Variants in SUGCT observed in about 807,000 individuals in gnomAD.
SUGCT encodes succinyl-CoA:glutarate CoA-transferase.
Under a neutral mutation model 55.0 loss-of-function variants are expected in SUGCT, and 41 were observed. The observed-to-expected ratio is 0.74, with a 90% CI of 0.58 to 0.97. SUGCT has a LOEUF of 0.97. Ranked by LOEUF, SUGCT falls within the 50% of genes least tolerant of loss-of-function variation. The pLI is 0.00. For synonymous variants in SUGCT, 187 were observed against 200.4 expected (o/e 0.93, Z 0.56); for missense variants, 568 against 547.8 (o/e 1.04, Z -0.37).
chr7:40,430,885 G>A (rs7803767), intron 9 of SUGCT, among the ~76,000 whole-genome samples: 1,684 of 151,878 alleles, frequency 0.011, 40 homozygotes, highest in African/African-American at 0.039. Context: ...AGGCTGAGGC[G>A]GGCCTCAGCA....
At chr7:40,833,869 A>G (rs1052463111) in intron 13 of SUGCT, among the ~76,000 whole-genome samples, 1 of 152,126 alleles carries the variant, frequency 6.6e-6, no homozygotes, top group South Asian at 2.1e-4. Flanking sequence ...TAAATACCAA[A>G]CTCATTAGGA....
intron 6 of SUGCT, among the ~76,000 whole-genome samples, chr7:40,221,998 G>A (rs1788049529): frequency 6.6e-6 from 1 of 152,238 alleles, no homozygotes; most frequent in Non-Finnish European, 1.5e-5. Flanking sequence ...CTGGAGGGCT[G>A]TGGTTTGGGA....
At chr7:41,018,120 A>G in the SUGCT span, among the ~76,000 whole-genome samples, 4 of 152,022 alleles carry the variant, frequency 2.6e-5, no homozygotes, top group Non-Finnish European at 1.5e-5. Flanking sequence ...GTCCAGCTCA[A>G]GAGGACTTTC....
At chr7:40,809,284 T>TA (rs1791274961) in intron 13 of SUGCT, among the ~76,000 whole-genome samples, 1 of 152,336 alleles carries the variant, frequency 6.6e-6, no homozygotes, top group East Asian at 1.9e-4. Context: ...TGTTTCCATC[T>TA]ATGATTTTTC....
chr7:40,738,616 TAAAAATTTG>T (rs1012421620), intron 12 of SUGCT, among the ~76,000 whole-genome samples: 9 of 152,182 alleles, frequency 5.9e-5, no homozygotes, highest in Non-Finnish European at 7.4e-5. Context: ...CTCATGTCAA[TAAAAATTTG>T]AATTCACCTG....
intron 13 of SUGCT, among the ~76,000 whole-genome samples, chr7:40,843,457 C>T (rs1226489208): frequency 6.7e-6 from 1 of 149,334 alleles, no homozygotes; most frequent in Non-Finnish European, 1.5e-5. Flanking sequence ...TTGCAATGAG[C>T]TGAGATCACG....
At chr7:40,413,147 T>A (rs1332163228) in intron 9 of SUGCT, among the ~76,000 whole-genome samples, 1 of 152,162 alleles carries the variant, frequency 6.6e-6, no homozygotes, top group Non-Finnish European at 1.5e-5. Flanking sequence ...AATGGCTGAT[T>A]AGTGTAAATT....
chr7:40,293,270 C>T (rs910115922), intron 8 of SUGCT, among the ~76,000 whole-genome samples: 7 of 152,092 alleles, frequency 4.6e-5, no homozygotes, highest in African/African-American at 9.7e-5. Context: ...TGTGCTTTGA[C>T]GCTCAGGAGG....
intron 7 of SUGCT, among the ~76,000 whole-genome samples, chr7:40,255,157 G>A (rs1790724127): frequency 6.7e-6 from 1 of 149,618 alleles, no homozygotes; most frequent in Non-Finnish European, 1.5e-5. Flanking sequence ...AACCCGGGAG[G>A]CAGAGGTTGC....
intron 9 of SUGCT, among the ~76,000 whole-genome samples, chr7:40,365,658 T>C (rs1234037212): frequency 6.6e-6 from 1 of 151,670 alleles, no homozygotes; most frequent in Non-Finnish European, 1.5e-5. Flanking sequence ...GAACTCCCAT[T>C]CACAATTGCT....
At chr7:40,962,998 GA>G in the SUGCT span, among the ~76,000 whole-genome samples, 3 of 152,138 alleles carry the variant, frequency 2.0e-5, no homozygotes, top group Admixed American at 2.0e-4. Flanking sequence ...AAACCAAGGG[GA>G]TTGTATTTTA....
At chr7:40,566,121 A>T (rs1464732175) in intron 12 of SUGCT, among the ~76,000 whole-genome samples, 1 of 152,130 alleles carries the variant, frequency 6.6e-6, no homozygotes, top group Admixed American at 6.5e-5. Flanking sequence ...TGGAGCGTCT[A>T]CAGTGTAGTC....
intron 13 of SUGCT, among the ~76,000 whole-genome samples, chr7:40,787,489 A>G (rs1361027045): frequency 7.9e-6 from 1 of 127,044 alleles, no homozygotes; most frequent in Non-Finnish European, 1.7e-5. Context: ...GATCTCAGAG[A>G]AAAGTAGATA....
chr7:40,188,434 CAAAAAA>C, intron 3 of SUGCT, 55 bp from the exon 4 acceptor site: 114 of 597,770 alleles, frequency 1.9e-4, no homozygotes, highest in East Asian at 5.1e-4. Context: ...ACTCCATCTC[CAAAAAA>C]AAAAAAAAAA....
At position 40,165,486 on chromosome 7, in the gene SUGCT, G is replaced by A. The variant is rs577364421; in HGVS notation, c.101-15461G>A. On this transcript the variant is annotated intron_variant, in intron 1 of 13. Coordinates refer to ENST00000335693, the MANE Select transcript of SUGCT (RefSeq NM_001193313.2). ...TACTTCTTTGCATGGTTGACCAGCT[G>A]TATCATCATAATAGCTTTCCATACT... 2.6e-5 allele frequency among the ~76,000 whole-genome samples: 4 copies of A among 152,204 alleles called. No individual in the cohort carries two copies. The South Asian group carries it at 8.3e-4, about 32-fold the overall frequency.
chr7:40,991,631 G>A, the SUGCT span, among the ~76,000 whole-genome samples: 4 of 152,092 alleles, frequency 2.6e-5, no homozygotes, highest in Non-Finnish European at 5.9e-5. Flanking sequence ...TTTAGGGTGA[G>A]GCAGGCCGGA....
the SUGCT span, among the ~76,000 whole-genome samples, chr7:40,891,968 A>T: frequency 6.6e-6 from 1 of 152,080 alleles, no homozygotes; most frequent in Admixed American, 6.6e-5. Flanking sequence ...AGATCATGCC[A>T]CTGCACTCCA....
At chr7:40,286,810 A>T (rs994142948) in intron 8 of SUGCT, among the ~76,000 whole-genome samples, 1 of 106,292 alleles carries the variant, frequency 9.4e-6, no homozygotes, top group African/African-American at 3.7e-5. Flanking sequence ...GTAAGGAATC[A>T]GTAACAGGCT....
the SUGCT span, among the ~76,000 whole-genome samples, chr7:41,036,079 C>T: frequency 6.6e-6 from 1 of 152,190 alleles, no homozygotes; most frequent in Admixed American, 6.5e-5. Flanking sequence ...GGACTCAGGT[C>T]CCCTCACTGT....
Sources: gnomAD v4.1 joint callset for allele counts (sites outside exome capture counted in the v4.1 genomes callset) on GRCh38, gnomAD v4.1.1 for gene constraint, MANE v1.5 for transcripts, NCBI Gene and HGNC (gene_info 2026-07-23, HGNC 2026-07-21) for gene names.